OSBPL8: variants seen among roughly 807,000 people sequenced by gnomAD.
OSBPL8 encodes the protein oxysterol binding protein like 8.
In OSBPL8, 59 loss-of-function variants were observed where a neutral mutation model predicts 125.5. The observed-to-expected ratio is 0.47, with a 90% CI of 0.38 to 0.58. The LOEUF is 0.58. Among genes scored for constraint, OSBPL8 ranks in the 20% least tolerant of loss-of-function variants. The pLI is 0.00. For synonymous variants in OSBPL8, 330 were observed against 338.9 expected (o/e 0.97, Z 0.29); for missense variants, 758 against 1,047.8 (o/e 0.72, Z 3.82).
intron 2 of OSBPL8, among the ~76,000 whole-genome samples, chr12:76,479,125 T>C (rs1877164229): frequency 6.6e-6 from 1 of 152,112 alleles, no homozygotes; most frequent in Non-Finnish European, 1.5e-5. Flanking sequence ...TTAATAGAAG[T>C]TTCAATAAAG....
chr12:76,464,834 T>C (rs1221086490), intron 2 of OSBPL8, among the ~76,000 whole-genome samples: 2 of 152,208 alleles, frequency 1.3e-5, no homozygotes, highest in East Asian at 3.8e-4. Context: ...CCAATAAAGT[T>C]GATCAAGTTG....
intron 1 of OSBPL8, among the ~76,000 whole-genome samples, chr12:76,499,551 C>A (rs1314176761): frequency 6.6e-6 from 1 of 151,990 alleles, no homozygotes; most frequent in Non-Finnish European, 1.5e-5. Flanking sequence ...AAAGCCTTTA[C>A]TTCAATATCA....
intron 1 of OSBPL8, among the ~76,000 whole-genome samples, chr12:76,508,569 T>C (rs1373147331): frequency 1.3e-5 from 2 of 152,114 alleles, no homozygotes; most frequent in Non-Finnish European, 2.9e-5. Flanking sequence ...CAGAATGAGA[T>C]AGGAGGTCTG....
intron 4 of OSBPL8, among the ~76,000 whole-genome samples, chr12:76,440,292 C>G (rs1434922713): frequency 6.6e-6 from 1 of 152,002 alleles, no homozygotes; most frequent in East Asian, 1.9e-4. Flanking sequence ...TTCGTTATCC[C>G]ACGTATTGAT....
chr12:76,504,028 T>C (rs117662714), intron 1 of OSBPL8, among the ~76,000 whole-genome samples: 2,859 of 151,520 alleles, frequency 0.019, 50 homozygotes, highest in Non-Finnish European at 0.029. Flanking sequence ...TCAGTAGACT[T>C]TGAGTAAAGC....
chr12:76,541,428 A>G (rs778599672), intron 1 of OSBPL8, among the ~76,000 whole-genome samples: 1 of 152,112 alleles, frequency 6.6e-6, no homozygotes, highest in Non-Finnish European at 1.5e-5. Flanking sequence ...CGGTGAGTCG[A>G]CATTGTGCCA....
intron 1 of OSBPL8, among the ~76,000 whole-genome samples, chr12:76,506,206 G>A (rs1592810243): frequency 6.6e-6 from 1 of 152,180 alleles, no homozygotes; most frequent in African/African-American, 2.4e-5. Context: ...CCATTAGCAG[G>A]TATGCAATAT....
chr12:76,521,949 G>A (rs1461210842), intron 1 of OSBPL8, among the ~76,000 whole-genome samples: 1 of 152,098 alleles, frequency 6.6e-6, no homozygotes, highest in Non-Finnish European at 1.5e-5. Flanking sequence ...GATTTAAGAT[G>A]ATTTATTTTA....
intron 1 of OSBPL8, among the ~76,000 whole-genome samples, chr12:76,490,414 G>A (rs1274929586): frequency 3.9e-5 from 6 of 152,154 alleles, no homozygotes; most frequent in East Asian, 1.9e-4. Flanking sequence ...GACTCAGCCC[G>A]AAGAGAGGAG....
chr12:76,356,908 A>G (rs965584346), intron 22 of OSBPL8, among the ~76,000 whole-genome samples, 180 bp from the exon 23 acceptor site: 2 of 152,230 alleles, frequency 1.3e-5, no homozygotes, highest in African/African-American at 4.8e-5. Context: ...CTAGAACACT[A>G]CAAATATATT....
At chr12:76,398,735 C>T (rs1437063602) in intron 7 of OSBPL8, among the ~76,000 whole-genome samples, 2 of 152,040 alleles carry the variant, frequency 1.3e-5, no homozygotes, top group Non-Finnish European at 2.9e-5. Flanking sequence ...CCTTAATCCC[C>T]CAAATAGGCG....
intron 8 of OSBPL8, among the ~76,000 whole-genome samples, chr12:76,395,995 CTA>C (rs564002304): frequency 1.0e-4 from 15 of 148,276 alleles, no homozygotes; most frequent in Admixed American, 2.0e-4. Context: ...TAGTAGAATA[CTA>C]TATATATATA....
rs1951896765 is a variant in OSBPL8 at position 76,353,763 on chromosome 12, A to G, written c.*2126T>C. The G allele has an allele frequency of 6.6e-6, 1 of 152,472 alleles. No homozygotes were observed. Among genetic ancestry groups the G allele is most frequent in the Admixed American group, 6.6e-5 (1 of 15,264 alleles). The allele number at this position is 152,472 out of a possible 1,614,324, so 9.4% of individuals were successfully genotyped here. Reference sequence around the variant, plus strand: ...TAGATTAGATGCATGCTTTTAGTGTATAAAGAACAGTCATGAATAACTCTG... The same window carrying G: ...TAGATTAGATGCATGCTTTTAGTGTGTAAAGAACAGTCATGAATAACTCTG... On this transcript the variant is annotated 3_prime_UTR_variant, in exon 24 of 24. Transcript: ENST00000261183.
At chr12:76,375,966 T>A (rs1952805322) in intron 16 of OSBPL8, among the ~76,000 whole-genome samples, 1 of 152,186 alleles carries the variant, frequency 6.6e-6, no homozygotes, top group South Asian at 2.1e-4. Context: ...TCAATGTTAA[T>A]GAATCAATAA....
chr12:76,498,346 A>G (rs892574142), intron 1 of OSBPL8, among the ~76,000 whole-genome samples: 3 of 152,220 alleles, frequency 2.0e-5, no homozygotes, highest in African/African-American at 4.8e-5. Flanking sequence ...ACATAACAGT[A>G]TTAATTTAGG....
chr12:76,438,371 C>T (rs1217766356), intron 4 of OSBPL8, among the ~76,000 whole-genome samples: 2 of 150,882 alleles, frequency 1.3e-5, no homozygotes, highest in Non-Finnish European at 1.5e-5. Flanking sequence ...GGTGCGATTA[C>T]GGCTCACTGC....
At chr12:76,551,720 G>T (rs796825682) in intron 1 of OSBPL8, among the ~76,000 whole-genome samples, 1 of 152,088 alleles carries the variant, frequency 6.6e-6, no homozygotes, top group Middle Eastern at 3.2e-3. Context: ...GAATATGTTG[G>T]AACAGTATCC....
At chr12:76,430,591 A>G (rs1487101770) in intron 4 of OSBPL8, among the ~76,000 whole-genome samples, 3 of 152,218 alleles carry the variant, frequency 2.0e-5, no homozygotes, top group African/African-American at 7.2e-5. Flanking sequence ...ATTCAAAATG[A>G]TTTTCTTAAA....
chr12:76,461,921 A>G (rs1874792071), intron 2 of OSBPL8, among the ~76,000 whole-genome samples: 1 of 152,230 alleles, frequency 6.6e-6, no homozygotes, highest in Non-Finnish European at 1.5e-5. Context: ...TTGTGTACCA[A>G]TAAATAACAT....
Sources: allele counts gnomAD v4.1 joint callset (sites outside exome capture counted in the v4.1 genomes callset), GRCh38; gene constraint gnomAD v4.1.1; transcripts MANE v1.5; gene names NCBI Gene and HGNC (gene_info 2026-07-23, HGNC 2026-07-21).